USH2A: variants seen among roughly 807,000 people sequenced by gnomAD.
The protein encoded by USH2A is Usher syndrome 2A (autosomal recessive, mild).
A neutral mutation model predicts 538.9 loss-of-function variants in USH2A; 443 were observed. The ratio of observed to expected loss-of-function variants is 0.82; its 90% CI spans 0.76 to 0.89. USH2A has a LOEUF of 0.89. Among genes scored for constraint, USH2A ranks in the 40% least tolerant of loss-of-function variants. The pLI is 0.00. For synonymous variants in USH2A, 2,413 were observed against 2,273.5 expected (o/e 1.06, Z -1.75); for missense variants, 6,633 against 6,324.8 (o/e 1.05, Z -1.65).
chr1:215,878,643 G>C, intron 42 of USH2A, 121 bp downstream of exon 42: 2 of 927,558 alleles, frequency 2.2e-6, no homozygotes, highest in Non-Finnish European at 3.4e-6. Flanking sequence ...TTATGAGTCA[G>C]GGGATATTCA....
chr1:216,192,317 T>G (rs2034734029), intron 19 of USH2A, among the ~76,000 whole-genome samples: 1 of 152,054 alleles, frequency 6.6e-6, no homozygotes, highest in African/African-American at 2.4e-5. Context: ...ATTGAGAAGG[T>G]AAAAAATTGG....
rs1334608272 is a variant in USH2A, at chr1:215,623,914, T to C, written c.*1867A>G. 2 of 152,082 alleles carry C rather than the reference T, an allele frequency of 1.3e-5. No individual in the cohort carries two copies. Among genetic ancestry groups the C allele is most frequent in the African/African-American group, 2.4e-5 (1 of 41,414 alleles). The allele number at this position is 152,082 out of a possible 1,614,324, so 9.4% of individuals were successfully genotyped here. On this transcript the variant is annotated 3_prime_UTR_variant, in exon 72 of 72. Coordinates refer to ENST00000307340, the MANE Select transcript of USH2A (RefSeq NM_206933.4). ...CTAGCAAACTGTATTCTTAGAAGAGTCCACCAAGGATTAGGATGCAAGTTT... is the reference window on the plus strand; with the variant it reads ...CTAGCAAACTGTATTCTTAGAAGAGCCCACCAAGGATTAGGATGCAAGTTT...
intron 37 of USH2A, among the ~76,000 whole-genome samples, chr1:215,962,025 C>CA (rs539112349): frequency 5.3e-5 from 8 of 151,296 alleles, no homozygotes; most frequent in Admixed American, 2.6e-4. Context: ...GAAGCATTCA[C>CA]AAAAAAAAGA....
At chr1:215,840,396 T>C (rs1341123809) in intron 46 of USH2A, among the ~76,000 whole-genome samples, 3 of 152,052 alleles carry the variant, frequency 2.0e-5, no homozygotes. Flanking sequence ...CTATATCAAG[T>C]ACAGTATTCC....
chr1:216,345,513 G>A (rs2038157825), intron 4 of USH2A, among the ~76,000 whole-genome samples: 1 of 152,130 alleles, frequency 6.6e-6, no homozygotes, highest in Non-Finnish European at 1.5e-5. Flanking sequence ...TTACCAGTGA[G>A]ACTTCTGTCC....
At chr1:216,004,819 G>A (rs1196467994) in intron 32 of USH2A, among the ~76,000 whole-genome samples, 1 of 152,162 alleles carries the variant, frequency 6.6e-6, no homozygotes, top group African/African-American at 2.4e-5. Flanking sequence ...TGTGAAAGAG[G>A]AGAATCTAGT....
At chr1:215,739,050 T>A (rs1276160686) in intron 60 of USH2A, among the ~76,000 whole-genome samples, 1 of 152,208 alleles carries the variant, frequency 6.6e-6, no homozygotes, top group East Asian at 1.9e-4. Flanking sequence ...AAGTGATTCA[T>A]GCCTATGTAG....
intron 3 of USH2A, among the ~76,000 whole-genome samples, chr1:216,379,811 T>C (rs2038898292): frequency 6.6e-6 from 1 of 152,158 alleles, no homozygotes; most frequent in South Asian, 2.1e-4. Context: ...CAAATTACAT[T>C]TGCGACCCTC....
chr1:216,267,126 G>A (rs1377565870), intron 11 of USH2A, among the ~76,000 whole-genome samples: 2 of 152,016 alleles, frequency 1.3e-5, no homozygotes, highest in African/African-American at 4.8e-5. Flanking sequence ...GTAAGAGGAG[G>A]GCACAGAAAA....
At chr1:216,225,784 T>C (rs1328258469) in intron 14 of USH2A, among the ~76,000 whole-genome samples, 1 of 152,130 alleles carries the variant, frequency 6.6e-6, no homozygotes, top group Non-Finnish European at 1.5e-5. Flanking sequence ...TAAGACTTAT[T>C]TTTATTTGGG....
chr1:216,105,742 A>T (rs1398003846), intron 21 of USH2A, among the ~76,000 whole-genome samples: 2 of 151,992 alleles, frequency 1.3e-5, no homozygotes, highest in African/African-American at 2.4e-5. Flanking sequence ...TCATCCACAA[A>T]CATGATAAAT....
chr1:216,120,769 T>C (rs1375183643), intron 21 of USH2A, among the ~76,000 whole-genome samples: 1 of 151,826 alleles, frequency 6.6e-6, no homozygotes, highest in African/African-American at 2.4e-5. Context: ...GAGAATCGCT[T>C]GAACCCGGGA....
In USH2A at chr1:216,068,589, G is replaced by A. The variant is rs115824878; in HGVS notation, c.6049+1512C>T. 5.8e-3 allele frequency among the ~76,000 whole-genome samples: 888 copies of A among 152,214 alleles called. 5 individuals carry two copies. The highest frequency in any genetic ancestry group is 0.02 in the African/African-American group (844 of 41,506). ...ATACTCTACTGCAGCAGACAGAGGC[G>A]TTAAAAATATAAGTGAGAGGACGAT... is the stretch of plus-strand genomic sequence containing the variant. On this transcript the variant is annotated intron_variant, in intron 30 of 71. Transcript: ENST00000307340.
In USH2A at chr1:216,231,851, C is replaced by CA. The variant is rs142795742; in HGVS notation, c.2993+101dup. On this transcript the variant is annotated intron_variant, in intron 14 of 71. Coordinates refer to ENST00000307340, the MANE Select transcript of USH2A (RefSeq NM_206933.4). ...TACAGGTGTGAGCCACCAAGCCGGG[C>CA]AAAAAAAATACTTTTTACAGAAGTT... The CA allele has an allele frequency of 5.2e-3, 7,497 of 1,453,950 alleles. 321 individuals are homozygous for CA. The African/African-American group carries it at 0.092, about 18-fold the overall frequency. The allele number at this position is 1,453,950 out of a possible 1,614,324, so 90.1% of individuals were successfully genotyped here.
chr1:216,231,331 T>G (rs1316154859), intron 14 of USH2A, among the ~76,000 whole-genome samples: 11 of 134,534 alleles, frequency 8.2e-5, no homozygotes, highest in African/African-American at 3.2e-4. Flanking sequence ...TATGAGTATG[T>G]GTATTTTCTT....
At chr1:216,383,465 T>C (rs1485671357) in intron 3 of USH2A, among the ~76,000 whole-genome samples, 1 of 152,222 alleles carries the variant, frequency 6.6e-6, no homozygotes, top group African/African-American at 2.4e-5. Context: ...GCTATTGTAA[T>C]GCTTGAAATA....
intron 26 of USH2A, among the ~76,000 whole-genome samples, chr1:216,082,381 A>G (rs933985521): frequency 6.0e-5 from 9 of 151,238 alleles, no homozygotes; most frequent in Non-Finnish European, 7.4e-5. Flanking sequence ...TTAAAAAAGC[A>G]GAAATTTTAA....
chr1:216,130,862 T>C (rs2033362411), intron 21 of USH2A, among the ~76,000 whole-genome samples: 1 of 151,886 alleles, frequency 6.6e-6, no homozygotes, highest in Non-Finnish European at 1.5e-5. Context: ...ATGGTAGTTT[T>C]AGTTCTGTAA....
At chr1:215,668,318 C>T (rs1337154173) in intron 64 of USH2A, among the ~76,000 whole-genome samples, 1 of 152,170 alleles carries the variant, frequency 6.6e-6, no homozygotes, top group African/African-American at 2.4e-5. Context: ...TACTCAGGGT[C>T]CACATAGACT....
Sources: gnomAD v4.1 joint callset for allele counts (sites outside exome capture counted in the v4.1 genomes callset) on GRCh38, gnomAD v4.1.1 for gene constraint, MANE v1.5 for transcripts, NCBI Gene and HGNC (gene_info 2026-07-23, HGNC 2026-07-21) for gene names.